Variants in TRIP12 observed in about 807,000 individuals in gnomAD.
TRIP12 encodes the protein thyroid hormone receptor interactor 12.
Under a neutral mutation model 244.2 loss-of-function variants are expected in TRIP12, and 25 were observed. The ratio of observed to expected loss-of-function variants is 0.10; its 90% CI spans 0.07 to 0.14. The LOEUF (loss-of-function observed/expected upper bound fraction) is 0.14. Among genes scored for constraint, TRIP12 ranks in the 10% least tolerant of loss-of-function variants. The probability of loss-of-function intolerance (pLI) is 1.00; values close to 1 mark genes in which losing one functional copy is unlikely to be tolerated. For missense variants in TRIP12, 1,677 were observed against 2,486.4 expected (o/e 0.67, Z 6.92); for synonymous variants, 905 against 873.1 (o/e 1.04, Z -0.64).
At chr2:229,834,982 G>C (rs967984116) in intron 6 of TRIP12, among the ~76,000 whole-genome samples, 3 of 152,108 alleles carry the variant, frequency 2.0e-5, no homozygotes, top group African/African-American at 7.2e-5. Flanking sequence ...TTGTCAAAAA[G>C]AGCTCTAAGT....
intron 2 of TRIP12, among the ~76,000 whole-genome samples, chr2:229,877,336 C>T (rs1334172826): frequency 6.6e-6 from 1 of 151,880 alleles, no homozygotes; most frequent in Non-Finnish European, 1.5e-5. Context: ...TCAAGACCAG[C>T]CTGGCCAAGA....
intron 4 of TRIP12, among the ~76,000 whole-genome samples, chr2:229,852,515 T>C (rs2058909895): frequency 6.6e-6 from 1 of 152,234 alleles, no homozygotes; most frequent in Admixed American, 6.5e-5. Flanking sequence ...TTTATATTTA[T>C]GCTGTATAAA....
At position 229,901,211 on chromosome 2, in the gene TRIP12, G is replaced by C. The variant is rs2070700547; in HGVS notation, c.-50+20669C>G. On this transcript the variant is annotated intron_variant, in intron 1 of 41. Coordinates refer to ENST00000675903, the MANE Select transcript of TRIP12 (RefSeq NM_001348323.3). ...ACCCTCCCAAAGTGCTGGGATTACA[G>C]TCATGAGCCACCACACCCGGCTCAA... Among the ~76,000 whole-genome samples, 12 of 151,784 alleles carry C rather than the reference G, an allele frequency of 7.9e-5. 1 individual carries two copies. In the South Asian group the frequency reaches 2.3e-3, roughly 29 times the overall value.
At chr2:229,768,862 C>G (rs553992465) in intron 40 of TRIP12, 143 bp from the exon 41 acceptor site, 2 of 652,216 alleles carry the variant, frequency 3.1e-6, no homozygotes, top group Non-Finnish European at 4.8e-6. Flanking sequence ...TACTTAAATT[C>G]GTTTCTGTTA....
At chr2:229,828,056 T>A (rs1383631691) in intron 8 of TRIP12, among the ~76,000 whole-genome samples, 1 of 152,240 alleles carries the variant, frequency 6.6e-6, no homozygotes, top group Non-Finnish European at 1.5e-5. Flanking sequence ...GTGTGTGAAC[T>A]GTTGTTGAAT....
intron 1 of TRIP12, among the ~76,000 whole-genome samples, chr2:229,889,940 A>G (rs139486730): frequency 1.3e-3 from 202 of 152,282 alleles, no homozygotes; most frequent in African/African-American, 4.7e-3. Context: ...ATGGACAAAA[A>G]CAATTTTATA....
chr2:229,769,466 A>AG (rs1368333799), intron 39 of TRIP12, 141 bp from the exon 40 acceptor site: 18 of 416,008 alleles, frequency 4.3e-5, no homozygotes, highest in Non-Finnish European at 6.4e-5. Context: ...CCAAAAAAAA[A>AG]AAAATAATAA....
At chr2:229,801,382 A>G (rs1438296542) in intron 21 of TRIP12, among the ~76,000 whole-genome samples, 1 of 152,144 alleles carries the variant, frequency 6.6e-6, no homozygotes, top group Non-Finnish European at 1.5e-5. Flanking sequence ...CCCCTCTCCT[A>G]CCTGAGTTGG....
At chr2:229,796,867 A>C (rs2042941493) in intron 24 of TRIP12, 85 bp from the exon 25 acceptor site, 1 of 1,268,314 alleles carries the variant, frequency 7.9e-7, no homozygotes, top group Non-Finnish European at 1.1e-6. Flanking sequence ...AAAGGAAATG[A>C]ATATATTCTC....
In TRIP12 at chr2:229,885,687, A is replaced by G. The variant is rs140615802; in HGVS notation, c.-49-5559T>C. ...AACAGCAAGGACTTCAAATAAGCCT[A>G]TCTTTAAAGTGGGAATGAATAACCC... On this transcript the variant is annotated intron_variant, in intron 1 of 41. Transcript: ENST00000675903. Among the ~76,000 whole-genome samples, 33 of 152,346 alleles carry G rather than the reference A, an allele frequency of 2.2e-4. 1 individual carries two copies. The East Asian group carries it at 6.4e-3, about 29-fold the overall frequency.
intron 1 of TRIP12, among the ~76,000 whole-genome samples, chr2:229,916,552 T>C (rs1203634735): frequency 1.3e-5 from 2 of 152,070 alleles, no homozygotes; most frequent in Non-Finnish European, 2.9e-5. Context: ...TGAGACTCTG[T>C]CTCAACAAAC....
chr2:229,917,854 G>C (rs1247350062), intron 1 of TRIP12, among the ~76,000 whole-genome samples: 2 of 152,124 alleles, frequency 1.3e-5, no homozygotes, highest in Non-Finnish European at 2.9e-5. Context: ...ACCATGCCCA[G>C]CTAACTTTTT....
chr2:229,875,513 C>A (rs1396070167), intron 2 of TRIP12, among the ~76,000 whole-genome samples: 1 of 152,176 alleles, frequency 6.6e-6, no homozygotes, highest in African/African-American at 2.4e-5. Context: ...ATCCAGTGGG[C>A]TGCAATGAAA....
intron 1 of TRIP12, among the ~76,000 whole-genome samples, chr2:229,899,250 C>G (rs1031765870): frequency 5.3e-5 from 8 of 152,028 alleles, no homozygotes; most frequent in African/African-American, 1.9e-4. Context: ...AATTTATATA[C>G]GCAATCACTT....
chr2:229,814,709 G>A (rs1313171402), intron 11 of TRIP12, among the ~76,000 whole-genome samples: 5 of 152,074 alleles, frequency 3.3e-5, no homozygotes, highest in Non-Finnish European at 5.9e-5. Context: ...AAAAAGGTCC[G>A]TAAGACAGAC....
intron 4 of TRIP12, among the ~76,000 whole-genome samples, chr2:229,850,330 T>G (rs1388279319): frequency 1.3e-5 from 2 of 152,212 alleles, no homozygotes; most frequent in Non-Finnish European, 2.9e-5. Context: ...TAGGATTATT[T>G]GTTAGTAATT....
chr2:229,780,995 CCAGGTT>C (rs2037976998), intron 34 of TRIP12, among the ~76,000 whole-genome samples: 1 of 152,184 alleles, frequency 6.6e-6, no homozygotes, highest in African/African-American at 2.4e-5. Flanking sequence ...TAACATTATC[CCAGGTT>C]CAACAGAAGT....
intron 33 of TRIP12, among the ~76,000 whole-genome samples, chr2:229,786,401 T>TC (rs2040016649): frequency 5.1e-5 from 5 of 98,604 alleles, no homozygotes; most frequent in Admixed American, 2.1e-4. Context: ...GATGACTTTT[T>TC]TTTTTTTTTT....
At chr2:229,771,445 T>A in intron 39 of TRIP12, 74 bp downstream of exon 39, 1 of 1,320,582 alleles carries the variant, frequency 7.6e-7, no homozygotes, top group Non-Finnish European at 1.1e-6. Flanking sequence ...CAATACGGTC[T>A]TTGACTAGGC....
Sources: allele counts gnomAD v4.1 joint callset (sites outside exome capture counted in the v4.1 genomes callset), GRCh38; gene constraint gnomAD v4.1.1; transcripts MANE v1.5; gene names NCBI Gene and HGNC (gene_info 2026-07-23, HGNC 2026-07-21).